TASP1: variants seen among roughly 807,000 people sequenced by gnomAD.
TASP1 encodes threonine aspartase 1.
In TASP1, 16 loss-of-function variants were observed where a neutral mutation model predicts 56.6. That is an observed-to-expected ratio of 0.28 (90% CI 0.19 to 0.43). TASP1 has a LOEUF of 0.43. Ranked by LOEUF, TASP1 falls within the 20% of genes least tolerant of loss-of-function variation. TASP1 has a pLI of 1.00. For missense variants in TASP1, 393 were observed against 511.6 expected (o/e 0.77, Z 2.24); for synonymous variants, 179 against 184.2 (o/e 0.97, Z 0.23).
the TASP1 span, chr20:13,164,832 C>A: frequency 6.2e-7 from 1 of 1,613,734 alleles, no homozygotes; most frequent in Non-Finnish European, 8.5e-7. Context: ...ACGTCCTGAG[C>A]TCTATGATGA....
intron 9 of TASP1, among the ~76,000 whole-genome samples, chr20:13,532,654 T>C (rs1052465546): frequency 3.9e-5 from 6 of 152,326 alleles, no homozygotes; most frequent in Middle Eastern, 3.4e-3. Context: ...GAATAGCTTC[T>C]AGATTGTTAG....
At chr20:13,237,590 G>C in the TASP1 span, among the ~76,000 whole-genome samples, 4 of 152,306 alleles carry the variant, frequency 2.6e-5, no homozygotes, top group East Asian at 7.7e-4. Flanking sequence ...AGGGCAGCTA[G>C]GGTGCTGGTA....
chr20:13,533,882 G>T, intron 9 of TASP1, 140 bp downstream of exon 9: 2 of 982,000 alleles, frequency 2.0e-6, no homozygotes, highest in Non-Finnish European at 3.0e-6. Flanking sequence ...GTATTTGGTT[G>T]ATGATTTATA....
intron 1 of TASP1, 82 bp downstream of exon 1, chr20:13,638,812 G>A (rs973608224): frequency 1.3e-5 from 2 of 152,550 alleles, no homozygotes; most frequent in Admixed American, 1.3e-4. Context: ...GGACGTCCCA[G>A]CTAGCGTACG....
the TASP1 span, among the ~76,000 whole-genome samples, chr20:13,341,272 C>A: frequency 6.6e-6 from 1 of 152,186 alleles, no homozygotes; most frequent in Non-Finnish European, 1.5e-5. Flanking sequence ...TTTTGTCTTT[C>A]CTTTTCCAAT....
At chr20:13,322,237 C>G in the TASP1 span, among the ~76,000 whole-genome samples, 4 of 152,214 alleles carry the variant, frequency 2.6e-5, no homozygotes, top group African/African-American at 9.6e-5. Flanking sequence ...AAGTGCTGTA[C>G]TCCCAAGAGT....
intron 12 of TASP1, among the ~76,000 whole-genome samples, chr20:13,434,120 C>T (rs1251250267): frequency 6.6e-6 from 1 of 151,710 alleles, no homozygotes; most frequent in African/African-American, 2.4e-5. Flanking sequence ...CAAAAGGGGA[C>T]TTCTGGGGTT....
At chr20:13,329,173 G>A in the TASP1 span, among the ~76,000 whole-genome samples, 4 of 152,052 alleles carry the variant, frequency 2.6e-5, no homozygotes, top group Non-Finnish European at 4.4e-5. Flanking sequence ...TTGTGTCCCT[G>A]CCACCTCCCT....
the TASP1 span, among the ~76,000 whole-genome samples, chr20:13,362,730 GA>G: frequency 6.7e-6 from 1 of 149,580 alleles, no homozygotes; most frequent in South Asian, 2.1e-4. Flanking sequence ...TGAAATTCTA[GA>G]AAAAGCAAAA....
chr20:13,335,363 A>C, the TASP1 span, among the ~76,000 whole-genome samples: 13 of 124,428 alleles, frequency 1.0e-4, no homozygotes, highest in Non-Finnish European at 2.0e-4. Flanking sequence ...CACACACACA[A>C]ACACACACCC....
At chr20:13,335,220 T>C in the TASP1 span, among the ~76,000 whole-genome samples, 1 of 152,150 alleles carries the variant, frequency 6.6e-6, no homozygotes, top group African/African-American at 2.4e-5. Flanking sequence ...TTGGGGAGCA[T>C]GACCAGAGAA....
At chr20:13,472,236 G>C (rs893483873) in intron 11 of TASP1, among the ~76,000 whole-genome samples, 5 of 150,916 alleles carry the variant, frequency 3.3e-5, no homozygotes, top group Middle Eastern at 3.4e-3. Context: ...AATGGGGAAA[G>C]GATTCCCTAT....
intron 12 of TASP1, among the ~76,000 whole-genome samples, chr20:13,433,520 C>CAAAAAAAAAAGAAAAAAAAAAAAAA (rs2042886532): frequency 1.1e-5 from 1 of 89,214 alleles, no homozygotes; most frequent in African/African-American, 4.8e-5. Context: ...GACAGTATGG[C>CAAAAAAAAAAGAAAAAAAAAAAAAA]AAAAAAAAAA....
intron 13 of TASP1, among the ~76,000 whole-genome samples, chr20:13,400,863 T>C (rs1176942700): frequency 6.6e-6 from 1 of 152,140 alleles, no homozygotes; most frequent in Non-Finnish European, 1.5e-5. Context: ...CAAATTCTAA[T>C]CCTTAGGATT....
the TASP1 span, among the ~76,000 whole-genome samples, chr20:13,361,051 T>A: frequency 6.6e-6 from 1 of 152,054 alleles, no homozygotes; most frequent in Admixed American, 6.5e-5. Flanking sequence ...AAATCTATCC[T>A]CAAGGAAATA....
chr20:13,138,948 T>C, the TASP1 span, among the ~76,000 whole-genome samples: 1 of 152,204 alleles, frequency 6.6e-6, no homozygotes, highest in African/African-American at 2.4e-5. Flanking sequence ...AGACACAATC[T>C]GAAACTCAAA....
At chr20:13,143,250 T>A in the TASP1 span, among the ~76,000 whole-genome samples, 1 of 152,192 alleles carries the variant, frequency 6.6e-6, no homozygotes, top group Non-Finnish European at 1.5e-5. Flanking sequence ...GACCCAGTTT[T>A]AGAGAGCAAA....
chr20:13,405,266 T>G (rs1216558128), intron 13 of TASP1, among the ~76,000 whole-genome samples: 4 of 152,214 alleles, frequency 2.6e-5, no homozygotes, highest in African/African-American at 7.2e-5. Context: ...GGATAACATT[T>G]TAAAATGTAT....
At chr20:13,619,573 A>C (rs946512718) in intron 4 of TASP1, among the ~76,000 whole-genome samples, 1 of 152,184 alleles carries the variant, frequency 6.6e-6, no homozygotes, top group Non-Finnish European at 1.5e-5. Flanking sequence ...AATTTTCTCA[A>C]AAAAGAAATT....
Sources: allele counts gnomAD v4.1 joint callset (sites outside exome capture counted in the v4.1 genomes callset), GRCh38; gene constraint gnomAD v4.1.1; transcripts MANE v1.5; gene names NCBI Gene and HGNC (gene_info 2026-07-23, HGNC 2026-07-21).